C9orf85: variants seen among roughly 807,000 people sequenced by gnomAD.
The protein encoded by C9orf85 is chromosome 9 open reading frame 85.
A neutral mutation model predicts 14.9 loss-of-function variants in C9orf85; 16 were observed. That is an observed-to-expected ratio of 1.08 (90% confidence interval 0.73 to 1.63). The LOEUF is 1.63. Ranked by LOEUF, C9orf85 falls within the 40% of genes most tolerant of loss-of-function variation. The pLI is 0.00. For synonymous variants in C9orf85, 45 were observed against 56.8 expected, an observed-to-expected ratio of 0.79 and a Z score of 0.93; for missense variants, 172 against 186.1, an observed-to-expected ratio of 0.92 and a Z score of 0.44.
intron 1 of C9orf85, among the ~76,000 whole-genome samples, chr9:71,916,441 C>G (rs1353909159): frequency 6.6e-6 from 1 of 151,696 alleles, no homozygotes; most frequent in East Asian, 1.9e-4. Flanking sequence ...AGAGGTGGGT[C>G]GTAGTATACA....
chr9:71,938,589 T>G (rs751655299), intron 1 of C9orf85, among the ~76,000 whole-genome samples: 1 of 152,006 alleles, frequency 6.6e-6, no homozygotes, highest in Non-Finnish European at 1.5e-5. Flanking sequence ...TATCCATACA[T>G]GTAAACTCTT....
chr9:71,941,707 G>GA (rs1179459468), intron 1 of C9orf85: 2 of 152,138 alleles, frequency 1.3e-5, no homozygotes, highest in Non-Finnish European at 2.9e-5. Context: ...ATTTGGAGAG[G>GA]AAAAAACAGC....
chr9:71,913,396 G>A (rs981916457), intron 1 of C9orf85, among the ~76,000 whole-genome samples: 3 of 152,140 alleles, frequency 2.0e-5, no homozygotes, highest in Non-Finnish European at 4.4e-5. Context: ...GGTGATATGG[G>A]CAAAAAGAAA....
At chr9:71,932,177 T>C (rs1828085326) in intron 1 of C9orf85, among the ~76,000 whole-genome samples, 1 of 152,192 alleles carries the variant, frequency 6.6e-6, no homozygotes. Flanking sequence ...CATGAGTAGC[T>C]TTCCAAGGAG....
intron 2 of C9orf85, among the ~76,000 whole-genome samples, chr9:71,967,500 G>C (rs1392858988): frequency 6.6e-6 from 1 of 151,724 alleles, no homozygotes; most frequent in Admixed American, 6.6e-5. Context: ...TAATTTCTTT[G>C]CTTTTTCTTA....
chr9:71,983,274 A>G (rs7850648), downstream of C9orf85: 151,394 of 152,432 alleles, frequency 0.99, 75,195 homozygotes, highest in Middle Eastern at 1. Context: ...GCTTACAGGC[A>G]TGAGCCACTG....
intron 1 of C9orf85, chr9:71,918,526 C>CCA: frequency 1.0e-6 from 1 of 963,422 alleles, no homozygotes; most frequent in Non-Finnish European, 1.5e-6. Flanking sequence ...CTGTCAGGAA[C>CCA]TGGGCCACAC....
intron 1 of C9orf85, among the ~76,000 whole-genome samples, chr9:71,926,570 C>G (rs1359023711): frequency 1.3e-5 from 2 of 148,608 alleles, no homozygotes; most frequent in African/African-American, 2.5e-5. Context: ...CCGAAGTATC[C>G]TAAATTATAT....
At chr9:71,961,685 G>T (rs543984007) in intron 2 of C9orf85, among the ~76,000 whole-genome samples, 8 of 152,066 alleles carry the variant, frequency 5.3e-5, no homozygotes, top group Non-Finnish European at 1.0e-4. Context: ...TGGCTGTATT[G>T]TCGTTTGTTG....
chr9:71,964,901 G>C (rs942313195), intron 2 of C9orf85, among the ~76,000 whole-genome samples: 2 of 152,142 alleles, frequency 1.3e-5, no homozygotes, highest in East Asian at 1.9e-4. Flanking sequence ...GGACGAACCC[G>C]GGCACTTAGC....
intron 1 of C9orf85, among the ~76,000 whole-genome samples, chr9:71,944,928 C>T (rs886655555): frequency 6.6e-6 from 1 of 152,170 alleles, no homozygotes; most frequent in African/African-American, 2.4e-5. Flanking sequence ...CCACAAAGAC[C>T]TGTTTTGTTC....
intron 1 of C9orf85, among the ~76,000 whole-genome samples, chr9:71,938,827 AAAT>A (rs1227183758): frequency 6.6e-6 from 1 of 151,728 alleles, no homozygotes; most frequent in Admixed American, 6.6e-5. Context: ...ATATATTCAG[AAAT>A]TGGAAACATT....
At chr9:71,944,824 C>G (rs890094258) in intron 1 of C9orf85, among the ~76,000 whole-genome samples, 1 of 152,094 alleles carries the variant, frequency 6.6e-6, no homozygotes, top group Non-Finnish European at 1.5e-5. Flanking sequence ...ACATAAAAAT[C>G]AAGTTTAATT....
intron 1 of C9orf85, among the ~76,000 whole-genome samples, chr9:71,943,043 T>A (rs1821980667): frequency 1.3e-5 from 2 of 152,154 alleles, no homozygotes; most frequent in South Asian, 2.1e-4. Flanking sequence ...TTCCAGCAAA[T>A]TTCAAAGTAC....
chr9:71,982,222 G>A (rs11143045), intron 3 of C9orf85, among the ~76,000 whole-genome samples: 10,826 of 151,738 alleles, frequency 0.071, 596 homozygotes, highest in East Asian at 0.26. Flanking sequence ...AACATGTACC[G>A]ATAGTTCATC....
intron 2 of C9orf85, among the ~76,000 whole-genome samples, chr9:71,949,217 A>G (rs1403717469): frequency 6.6e-6 from 1 of 152,238 alleles, no homozygotes; most frequent in Non-Finnish European, 1.5e-5. Context: ...AACAACATTT[A>G]TGTAGTCACA....
chr9:71,970,319 C>T (rs1822825177), intron 2 of C9orf85, among the ~76,000 whole-genome samples: 1 of 152,074 alleles, frequency 6.6e-6, no homozygotes, highest in South Asian at 2.1e-4. Flanking sequence ...AGAGAATGTT[C>T]CATGTATACT....
chr9:71,916,350 G>A (rs956903814), intron 1 of C9orf85, among the ~76,000 whole-genome samples: 1 of 151,962 alleles, frequency 6.6e-6, no homozygotes, highest in African/African-American at 2.4e-5. Flanking sequence ...GAGCCCCAAG[G>A]TCATGTATCT....
intron 1 of C9orf85, among the ~76,000 whole-genome samples, chr9:71,939,106 TAA>T (rs1828268506): frequency 6.6e-6 from 1 of 151,704 alleles, no homozygotes; most frequent in Non-Finnish European, 1.5e-5. Flanking sequence ...TATTTATATG[TAA>T]AGACTCGTTT....
Sources: allele counts gnomAD v4.1 joint callset (sites outside exome capture counted in the v4.1 genomes callset), GRCh38; gene constraint gnomAD v4.1.1; transcripts MANE v1.5; gene names NCBI Gene and HGNC (gene_info 2026-07-23, HGNC 2026-07-21).